ACACA: variants seen among roughly 807,000 people sequenced by gnomAD.
ACACA encodes acetyl-CoA carboxylase 1.
In ACACA, 103 loss-of-function variants were observed where a neutral mutation model predicts 296.1. The ratio of observed to expected loss-of-function variants is 0.35; its 90% CI spans 0.30 to 0.41. The LOEUF (loss-of-function observed/expected upper bound fraction) is 0.41. ACACA is among the 10% of genes least tolerant of loss of function. The probability of loss-of-function intolerance (pLI) is 1.00; values close to 1 mark genes in which losing one functional copy is unlikely to be tolerated. For missense variants in ACACA, 1,554 were observed against 2,989.7 expected (o/e 0.52, Z 11.20); for synonymous variants, 953 against 1,038.6 (o/e 0.92, Z 1.58).
At chr17:37,264,321 A>T (rs1478210332) in intron 10 of ACACA, among the ~76,000 whole-genome samples, 1 of 152,212 alleles carries the variant, frequency 6.6e-6, no homozygotes, top group Non-Finnish European at 1.5e-5. Flanking sequence ...TTTCATCTTT[A>T]GTTTTGAAGA....
intron 3 of ACACA, among the ~76,000 whole-genome samples, chr17:37,318,169 C>T (rs1223678424): frequency 1.3e-5 from 2 of 152,186 alleles, no homozygotes; most frequent in Non-Finnish European, 2.9e-5. Context: ...TTCCTTATTT[C>T]CCATGTCAAA....
chr17:37,125,682 A>G lies in ACACA; in HGVS notation c.6041+16T>C. On this transcript the variant is annotated intron_variant, in intron 48 of 55. Coordinates refer to ENST00000616317, the MANE Select transcript of ACACA (RefSeq NM_198834.3). ...GTTGGGAGGAAAAAGAGCTGCCAAA[A>G]CAAAAGAGCTCTTACCTGGCTCTAC... The G allele has an allele frequency of 6.2e-7, 1 of 1,603,856 alleles. No homozygotes were observed. Among genetic ancestry groups the G allele is most frequent in the Non-Finnish European group, 8.5e-7 (1 of 1,171,024 alleles).
At chr17:37,304,609 C>T (rs1272733011) in intron 3 of ACACA, among the ~76,000 whole-genome samples, 3 of 152,082 alleles carry the variant, frequency 2.0e-5, no homozygotes, top group South Asian at 2.1e-4. Flanking sequence ...GCCTGACCAA[C>T]GTGGAGAAAC....
Position 37,113,328 on chromosome 17 carries a change from A to AC in ACACA, c.6275-64dup. On this transcript the variant is annotated intron_variant, in intron 50 of 55. Coordinates refer to ENST00000616317, the MANE Select transcript of ACACA (RefSeq NM_198834.3). The surrounding 1 kb of genome is among the most constrained non-coding windows in gnomAD (Gnocchi z 4.0). The stretch of plus-strand genomic sequence containing the variant: ...CTCTTCCTCAAAGCAGTACTTTTAA[A>AC]CACTGTTCAGGACCTCTGGCCACGA... 1 of 1,563,974 alleles carries AC rather than the reference A, an allele frequency of 6.4e-7. No homozygotes were observed. The highest frequency in any genetic ancestry group is 8.7e-7 in the Non-Finnish European group (1 of 1,143,094).
intron 3 of ACACA, among the ~76,000 whole-genome samples, chr17:37,323,290 G>A (rs1345484846): frequency 6.6e-6 from 1 of 152,228 alleles, no homozygotes; most frequent in African/African-American, 2.4e-5. Flanking sequence ...GAACTCTCCT[G>A]TTTCACTATA....
intron 11 of ACACA, among the ~76,000 whole-genome samples, chr17:37,262,347 A>G (rs912738063): frequency 2.6e-5 from 4 of 152,214 alleles, no homozygotes; most frequent in African/African-American, 9.6e-5. Flanking sequence ...ATGCTTCCAT[A>G]TGCTTGCCCT....
At chr17:37,359,497 G>GT (rs2049315581) in intron 1 of ACACA, among the ~76,000 whole-genome samples, 1 of 152,078 alleles carries the variant, frequency 6.6e-6, no homozygotes, top group African/African-American at 2.4e-5. Flanking sequence ...CCACAGCCGG[G>GT]TACGGGGCCA....
rs545610243 is a variant in ACACA at position 37,304,566 on chromosome 17, G to A, written c.339-19596C>T. 3.9e-4 allele frequency among the ~76,000 whole-genome samples: 59 copies of A among 152,182 alleles called. No individual in the cohort carries two copies. The South Asian group carries it at 5.8e-3, about 15-fold the overall frequency. On this transcript the variant is annotated intron_variant, in intron 3 of 55. Coordinates refer to ENST00000616317, the MANE Select transcript of ACACA (RefSeq NM_198834.3). Reference sequence around the variant, plus strand: ...TCCCAGCACTTTGGAAGGTAGAGGCGGGCAATAACCTGAGGTCAGGAGTTC... The same window carrying A: ...TCCCAGCACTTTGGAAGGTAGAGGCAGGCAATAACCTGAGGTCAGGAGTTC...
intron 2 of ACACA, among the ~76,000 whole-genome samples, chr17:37,331,357 C>T (rs2047875638): frequency 6.6e-6 from 1 of 151,618 alleles, no homozygotes; most frequent in South Asian, 2.1e-4. Context: ...GACCTTCCGC[C>T]TCAGCCTCCC....
chr17:37,369,699 C>T (rs1279675730), intron 1 of ACACA, among the ~76,000 whole-genome samples: 1 of 151,442 alleles, frequency 6.6e-6, no homozygotes, highest in Non-Finnish European at 1.5e-5. Flanking sequence ...CTGGATAATA[C>T]ATTCTTTTTT....
chr17:37,205,689 A>T, intron 33 of ACACA, 76 bp downstream of exon 33: 1 of 1,154,808 alleles, frequency 8.7e-7, no homozygotes, highest in East Asian at 2.3e-5. Context: ...TAAACTAGCA[A>T]CTGATAAAAG....
In ACACA at chr17:37,174,007, TA is replaced by T. The variant is rs1262406674; in HGVS notation, c.5079+5252del. On this transcript the variant is annotated intron_variant, in intron 41 of 55. Transcript: ENST00000616317. ...TTATATATATATATATATATATATATATATATATATATATTTTTTTTTTTTT... is the reference window on the plus strand; with the variant it reads ...TTATATATATATATATATATATATATTATATATATATATTTTTTTTTTTTT... Among the ~76,000 whole-genome samples, 125 of 15,630 alleles carry T rather than the reference TA, an allele frequency of 8.0e-3. 2 individuals carry two copies. Among genetic ancestry groups the T allele is most frequent in the East Asian group, 0.023 (16 of 706 alleles). The allele number at this position is 15,630 out of a possible 152,430, so 10.3% of individuals were successfully genotyped here. A position where few individuals can be genotyped will look rare whatever the true frequency, so the allele number is the denominator to read the frequency against.
At position 37,224,980 on chromosome 17, in the gene ACACA, AT is replaced by A; in HGVS notation, c.3474+11del. The stretch of plus-strand genomic sequence containing the variant: ...GCAGGAAAGGGTTATATATATATAT[AT>A]ATATATATACCTGCAGGTTCTCAAT... On this transcript the variant is annotated intron_variant, in intron 27 of 55. Coordinates refer to ENST00000616317, the MANE Select transcript of ACACA (RefSeq NM_198834.3). The A allele has an allele frequency of 7.9e-7, 1 of 1,267,704 alleles. No individual in the cohort carries two copies. Among genetic ancestry groups the A allele is most frequent in the Non-Finnish European group, 1.1e-6 (1 of 876,552 alleles). 78.5% of individuals were successfully genotyped at this position (1,267,704 alleles called of 1,614,324 possible).
chr17:37,117,674 C>G (rs573625740), intron 50 of ACACA, among the ~76,000 whole-genome samples: 2 of 152,080 alleles, frequency 1.3e-5, no homozygotes, highest in African/African-American at 4.8e-5. Flanking sequence ...TGCTGAATAG[C>G]CTTCCGGCCA....
At chr17:37,158,455 C>T (rs1226220856) in intron 42 of ACACA, among the ~76,000 whole-genome samples, 1 of 152,060 alleles carries the variant, frequency 6.6e-6, no homozygotes, top group South Asian at 2.1e-4. Context: ...CGTGGGGAAA[C>T]CCCATCTCTA....
intron 44 of ACACA, among the ~76,000 whole-genome samples, chr17:37,150,880 C>T (rs998689228): frequency 2.0e-5 from 3 of 151,812 alleles, no homozygotes; most frequent in South Asian, 2.1e-4. Flanking sequence ...GGTGAAACCC[C>T]GGCTCTATTA....
intron 50 of ACACA, among the ~76,000 whole-genome samples, chr17:37,118,845 G>A (rs2074383066): frequency 6.6e-6 from 1 of 152,200 alleles, no homozygotes; most frequent in Non-Finnish European, 1.5e-5. Flanking sequence ...GGTGAAAAGA[G>A]CTCAATGAAT....
intron 45 of ACACA, among the ~76,000 whole-genome samples, chr17:37,137,565 T>C (rs1172495172): frequency 6.6e-6 from 1 of 152,234 alleles, no homozygotes; most frequent in Non-Finnish European, 1.5e-5. Flanking sequence ...CACATTTCTA[T>C]GTATTCTATA....
intron 3 of ACACA, among the ~76,000 whole-genome samples, chr17:37,315,302 C>G (rs1224791290): frequency 6.6e-6 from 1 of 152,164 alleles, no homozygotes; most frequent in Non-Finnish European, 1.5e-5. Flanking sequence ...TTAAGGAGAA[C>G]CTAAACATTG....
Sources: allele counts gnomAD v4.1 joint callset (sites outside exome capture counted in the v4.1 genomes callset), GRCh38; gene constraint gnomAD v4.1.1; non-coding constraint Gnocchi (gnomAD v3.1); transcripts MANE v1.5; gene names NCBI Gene and HGNC (gene_info 2026-07-23, HGNC 2026-07-21).